Variants in TAFA2 observed in about 807,000 individuals in gnomAD.
TAFA2 encodes the protein TAFA chemokine like family member 2.
Under a neutral mutation model 18.8 loss-of-function variants are expected in TAFA2, and 7 were observed. The ratio of observed to expected loss-of-function variants is 0.37; its 90% CI spans 0.21 to 0.70. The LOEUF (loss-of-function observed/expected upper bound fraction) is 0.70. Ranked by LOEUF, TAFA2 falls within the 30% of genes least tolerant of loss-of-function variation. The pLI is 0.53. For missense variants in TAFA2, 122 were observed against 158.1 expected (o/e 0.77, Z 1.23); for synonymous variants, 60 against 54.2 (o/e 1.11, Z -0.47).
At chr12:61,753,316 C>T (rs12821294) in intron 4 of TAFA2, among the ~76,000 whole-genome samples, 15,455 of 151,826 alleles carry the variant, frequency 0.1, 1,035 homozygotes, top group East Asian at 0.2. Flanking sequence ...GGTCACCCTC[C>T]CAGAATTTAA....
At position 61,877,903 on chromosome 12, in the gene TAFA2, TTA is replaced by T. The variant is rs1319686903; in HGVS notation, c.-1-10479_-1-10478del. The stretch of plus-strand genomic sequence containing the variant: ...TGAATGGATAAACAAATTGTGATTT[TTA>T]TATATATATATATATATATACACAC... On this transcript the variant is annotated intron_variant, in intron 1 of 4. Coordinates refer to ENST00000416284, the MANE Select transcript of TAFA2 (RefSeq NM_178539.5). 8.8e-3 allele frequency among the ~76,000 whole-genome samples: 1,271 copies of T among 143,938 alleles called. 16 individuals are homozygous for T. Among genetic ancestry groups the T allele is most frequent in the African/African-American group, 0.027 (1,043 of 39,068 alleles). 94.4% of individuals were successfully genotyped at this position (143,938 alleles called of 152,430 possible).
At chr12:62,239,968 C>T (rs2062854680) in intron 1 of TAFA2, among the ~76,000 whole-genome samples, 1 of 151,836 alleles carries the variant, frequency 6.6e-6, no homozygotes, top group African/African-American at 2.4e-5. Flanking sequence ...ATGCTTCTCT[C>T]AACATTACTA....
chr12:61,911,483 A>G (rs1477243714), intron 1 of TAFA2, among the ~76,000 whole-genome samples: 2 of 152,192 alleles, frequency 1.3e-5, no homozygotes, highest in Admixed American at 1.3e-4. Context: ...TTGAACTCAC[A>G]CAAAACTTTA....
At chr12:62,090,211 T>C (rs1423037658) in intron 1 of TAFA2, among the ~76,000 whole-genome samples, 1 of 152,018 alleles carries the variant, frequency 6.6e-6, no homozygotes, top group East Asian at 1.9e-4. Context: ...TCCAGCAGAG[T>C]TAAACTCTTG....
rs906233169 is a variant in TAFA2, at chr12:61,778,007, T to G, written c.107-22983A>C. ...AAAGGGATAACTGGGAGCTCATTCTTTAGGGTCAAATAGACCCAAACAGGA... is the reference window on the plus strand; with the variant it reads ...AAAGGGATAACTGGGAGCTCATTCTGTAGGGTCAAATAGACCCAAACAGGA... On this transcript the variant is annotated intron_variant, in intron 2 of 4. Coordinates refer to ENST00000416284, the MANE Select transcript of TAFA2 (RefSeq NM_178539.5). Among the ~76,000 whole-genome samples the G allele has an allele frequency of 5.3e-5, 8 of 151,774 alleles. No individual in the cohort carries two copies. The East Asian group carries it at 1.6e-3, about 30-fold the overall frequency.
intron 2 of TAFA2, among the ~76,000 whole-genome samples, chr12:61,839,157 G>A (rs754238052): frequency 1.3e-5 from 2 of 152,084 alleles, no homozygotes; most frequent in Non-Finnish European, 2.9e-5. Flanking sequence ...TGGTGAGGAA[G>A]ATGGGCAAGA....
upstream of TAFA2, among the ~76,000 whole-genome samples, chr12:62,196,675 T>C (rs978051472): frequency 6.6e-6 from 1 of 152,072 alleles, no homozygotes; most frequent in Non-Finnish European, 1.5e-5. Context: ...AAGACAATTA[T>C]AATAGTAACA....
At chr12:62,000,735 T>C (rs191597824) in intron 1 of TAFA2, among the ~76,000 whole-genome samples, 2 of 152,376 alleles carry the variant, frequency 1.3e-5, no homozygotes, top group East Asian at 3.9e-4. Context: ...ATTCATATGA[T>C]AGAATACTAT....
rs140893374 is a variant in TAFA2 at position 62,114,348 on chromosome 12, G to A, written c.-2+76911C>T. Reference sequence around the variant, plus strand: ...ACTGTCTAACCAGTCCCAATGAGATGAGCTGGGTACCTCAGTTAGAAATGT... The same window carrying A: ...ACTGTCTAACCAGTCCCAATGAGATAAGCTGGGTACCTCAGTTAGAAATGT... On this transcript the variant is annotated intron_variant, in intron 1 of 4. Transcript: ENST00000416284. Among the ~76,000 whole-genome samples the A allele has an allele frequency of 4.3e-3, 656 of 152,196 alleles. 4 individuals carry two copies. Among genetic ancestry groups the A allele is most frequent in the African/African-American group, 0.015 (617 of 41,532 alleles).
At chr12:62,045,788 T>A (rs2136766326) in intron 1 of TAFA2, among the ~76,000 whole-genome samples, 1 of 152,266 alleles carries the variant, frequency 6.6e-6, no homozygotes, top group Non-Finnish European at 1.5e-5. Flanking sequence ...TTACAATGGC[T>A]ACCCAGAACA....
chr12:61,888,658 T>A (rs1038452448), intron 1 of TAFA2, among the ~76,000 whole-genome samples: 1 of 151,844 alleles, frequency 6.6e-6, no homozygotes, highest in Non-Finnish European at 1.5e-5. Context: ...AAATACTTTT[T>A]GAATAAAAAT....
At chr12:61,713,973 ACT>A (rs761532826) in intron 4 of TAFA2, among the ~76,000 whole-genome samples, 1 of 152,140 alleles carries the variant, frequency 6.6e-6, no homozygotes, top group Non-Finnish European at 1.5e-5. Context: ...CTTAAATAAT[ACT>A]CTTTCATTCA....
At chr12:61,822,254 C>A (rs950819873) in intron 2 of TAFA2, among the ~76,000 whole-genome samples, 1 of 152,042 alleles carries the variant, frequency 6.6e-6, no homozygotes. Flanking sequence ...AGTTCTCTCA[C>A]GTCTAAATCT....
intron 1 of TAFA2, among the ~76,000 whole-genome samples, chr12:62,253,895 T>A (rs2136996313): frequency 6.6e-6 from 1 of 152,228 alleles, no homozygotes; most frequent in East Asian, 1.9e-4. Flanking sequence ...CTAAAATATG[T>A]CTTTGATCTG....
intron 2 of TAFA2, among the ~76,000 whole-genome samples, chr12:61,761,303 T>A (rs984578965): frequency 6.6e-6 from 1 of 152,040 alleles, no homozygotes; most frequent in African/African-American, 2.4e-5. Flanking sequence ...TATACAGGCA[T>A]AGATTTTTAA....
chr12:61,733,300 C>A (rs1023299051), intron 4 of TAFA2, among the ~76,000 whole-genome samples: 1 of 151,608 alleles, frequency 6.6e-6, no homozygotes, highest in South Asian at 2.1e-4. Flanking sequence ...GTCAATTTTG[C>A]CTTTTGTTGC....
chr12:62,137,438 C>A (rs1870942122), intron 1 of TAFA2, among the ~76,000 whole-genome samples: 1 of 152,080 alleles, frequency 6.6e-6, no homozygotes, highest in Non-Finnish European at 1.5e-5. Flanking sequence ...GTTAACTAAC[C>A]TGCACAAGGT....
chr12:61,878,182 T>C (rs953333705), intron 1 of TAFA2: 1 of 442,974 alleles, frequency 2.3e-6, no homozygotes, highest in East Asian at 7.0e-5. Context: ...TTAATGAATA[T>C]GGAGTTTTTG....
chr12:61,731,453 T>C (rs965835765), intron 4 of TAFA2, among the ~76,000 whole-genome samples: 5 of 152,110 alleles, frequency 3.3e-5, no homozygotes, highest in Admixed American at 6.6e-5. Flanking sequence ...CAGTTAATTT[T>C]TGCTTAGCAG....
Sources: allele counts gnomAD v4.1 joint callset (sites outside exome capture counted in the v4.1 genomes callset), GRCh38; gene constraint gnomAD v4.1.1; transcripts MANE v1.5; gene names NCBI Gene and HGNC (gene_info 2026-07-23, HGNC 2026-07-21).